VAC14: variants seen among roughly 807,000 people sequenced by gnomAD.
VAC14 encodes the protein protein VAC14 homolog.
In VAC14, 47 loss-of-function variants were observed where a neutral mutation model predicts 85.3. The ratio of observed to expected loss-of-function variants is 0.55; its 90% CI spans 0.44 to 0.70. The LOEUF (loss-of-function observed/expected upper bound fraction) is 0.70, where lower values mean the gene tolerates loss of function less well. VAC14 is among the 30% of genes least tolerant of loss of function. The pLI, the probability that VAC14 is intolerant of heterozygous loss-of-function variation, is 0.00. For synonymous variants in VAC14, 447 were observed against 430.5 expected (o/e 1.04, Z -0.47); for missense variants, 861 against 1,004.3 (o/e 0.86, Z 1.93).
At chr16:70,745,547 A>C (rs2030812056) in intron 12 of VAC14, among the ~76,000 whole-genome samples, 1 of 151,034 alleles carries the variant, frequency 6.6e-6, no homozygotes, top group African/African-American at 2.4e-5. Context: ...GCCTGTGTGC[A>C]TGCACCTGCC....
Position 70,701,786 on chromosome 16 carries a change from T to C in VAC14, c.1662-2975A>G, listed in dbSNP as rs1032542158. On this transcript the variant is annotated intron_variant, in intron 14 of 18. Coordinates refer to ENST00000261776, the MANE Select transcript of VAC14 (RefSeq NM_018052.5). ...GTCTCACACCTCTCGCTGGTTCCTC[T>C]CCAGCCTCCCTCTTGCTGTCCCTCC... 9.2e-5 allele frequency among the ~76,000 whole-genome samples: 14 copies of C among 152,312 alleles called. No homozygotes were observed. The South Asian group carries it at 2.7e-3, about 29-fold the overall frequency.
chr16:70,688,232 C>T (rs959597513), intron 18 of VAC14, 142 bp from the exon 19 acceptor site: 8 of 1,290,186 alleles, frequency 6.2e-6, no homozygotes, highest in African/African-American at 1.7e-5. Context: ...GCAACTCTTC[C>T]GTCATGGCGG....
chr16:70,749,301 C>T (rs565879998), intron 12 of VAC14, among the ~76,000 whole-genome samples: 69 of 152,356 alleles, frequency 4.5e-4, no homozygotes, highest in Non-Finnish European at 4.1e-4. Context: ...CTACTGCCTC[C>T]CACCCCACTG....
At chr16:70,754,241 G>C (rs2031642330) in intron 12 of VAC14, among the ~76,000 whole-genome samples, 1 of 152,190 alleles carries the variant, frequency 6.6e-6, no homozygotes, top group Non-Finnish European at 1.5e-5. Context: ...CCACAAGGTG[G>C]GAACATCTGG....
chr16:70,749,187 C>G (rs1045207411), intron 12 of VAC14, among the ~76,000 whole-genome samples: 3 of 152,184 alleles, frequency 2.0e-5, no homozygotes, highest in African/African-American at 7.2e-5. Context: ...CTGAGCTGTT[C>G]CCTGGCCCAG....
Position 70,786,016 on chromosome 16 carries a change from T to C in VAC14, c.256-147A>G, listed in dbSNP as rs111500754. 8.8e-4 allele frequency: 1,153 copies of C among 1,316,902 alleles called. 6 individuals carry two copies. Among genetic ancestry groups the C allele is most frequent in the Non-Finnish European group, 1.1e-3 (1,100 of 977,450 alleles). The allele number at this position is 1,316,902 out of a possible 1,614,324, so 81.6% of individuals were successfully genotyped here. A position where few individuals can be genotyped will look rare whatever the true frequency, so the allele number is the denominator to read the frequency against. Reference sequence around the variant, plus strand: ...GCTCAAAGACCCTTCCCAAGCCTCATTCCCAGGAGAGGGCCCATGCCTAGG... The same window carrying C: ...GCTCAAAGACCCTTCCCAAGCCTCACTCCCAGGAGAGGGCCCATGCCTAGG... On this transcript the variant is annotated intron_variant, in intron 2 of 18. Transcript: ENST00000261776.
chr16:70,739,889 C>T (rs2030094282), intron 13 of VAC14, among the ~76,000 whole-genome samples: 2 of 152,208 alleles, frequency 1.3e-5, no homozygotes, highest in South Asian at 4.1e-4. Context: ...TCATTATCAC[C>T]CATTTTTAGA....
Position 70,801,040 on chromosome 16 carries a change from G to T in VAC14, c.-140C>A, listed in dbSNP as rs1272652551. The T allele has an allele frequency of 3.8e-6, 2 of 530,314 alleles. No individual in the cohort carries two copies. Among genetic ancestry groups the T allele is most frequent in the Non-Finnish European group, 6.3e-6 (2 of 319,534 alleles). The allele number at this position is 530,314 out of a possible 1,614,324, so 32.9% of individuals were successfully genotyped here. A position where few individuals can be genotyped will look rare whatever the true frequency, so the allele number is the denominator to read the frequency against. ...GCTCTAGGCTTGCCTGCCACGCTCC[G>T]CCGCCTCGCCCTGGAACCCGGGCCC... On this transcript the variant is annotated 5_prime_UTR_variant, in exon 1 of 19. Coordinates refer to ENST00000261776, the MANE Select transcript of VAC14 (RefSeq NM_018052.5).
chr16:70,754,715 C>T lies in VAC14; in HGVS notation c.1371+7825G>A, dbSNP rs541190910. 8.5e-5 allele frequency among the ~76,000 whole-genome samples: 13 copies of T among 152,212 alleles called. No homozygotes were observed. The South Asian group carries it at 2.5e-3, about 29-fold the overall frequency. On this transcript the variant is annotated intron_variant, in intron 12 of 18. Transcript: ENST00000261776. ...AAGAGGAGTCAAGTTCTTTGGGCAC[C>T]GACACGGCACCCCTCCATTCTCTGG...
At chr16:70,721,341 G>C (rs559772688) in intron 14 of VAC14, among the ~76,000 whole-genome samples, 58 of 152,220 alleles carry the variant, frequency 3.8e-4, no homozygotes, top group Middle Eastern at 3.4e-3. Flanking sequence ...ATGGGAGGAA[G>C]GGAAGAGGAG....
At chr16:70,786,517 C>T in intron 1 of VAC14, 152 bp from the exon 2 acceptor site, 1 of 980,244 alleles carries the variant, frequency 1.0e-6, no homozygotes, top group Non-Finnish European at 1.5e-6. Flanking sequence ...CTGTTGCTGG[C>T]TGAGTCATCG....
Position 70,689,353 on chromosome 16 carries a change from G to C in VAC14, c.2187-1263C>G, listed in dbSNP as rs988962366. 3.0e-6 allele frequency: 3 copies of C among 985,374 alleles called. No homozygotes were observed. In the African/African-American group the frequency reaches 5.2e-5, roughly 17 times the overall value. 61.0% of individuals were successfully genotyped at this position (985,374 alleles called of 1,614,324 possible). ...GGCCAGCCGGGGCCCAGCAGCTTGAGGGTGGAAATAAAGGAGGCCATTTTG... is the reference window on the plus strand; with the variant it reads ...GGCCAGCCGGGGCCCAGCAGCTTGACGGTGGAAATAAAGGAGGCCATTTTG... On this transcript the variant is annotated intron_variant, in intron 18 of 18. Coordinates refer to ENST00000261776, the MANE Select transcript of VAC14 (RefSeq NM_018052.5).
chr16:70,795,197 T>C (rs979573756), intron 1 of VAC14, among the ~76,000 whole-genome samples: 4 of 152,182 alleles, frequency 2.6e-5, no homozygotes, highest in East Asian at 1.9e-4. Flanking sequence ...CCGGGCGCAG[T>C]GGCTCATGCC....
intron 9 of VAC14, among the ~76,000 whole-genome samples, chr16:70,780,083 C>A (rs1022475476): frequency 8.9e-5 from 13 of 146,554 alleles, no homozygotes; most frequent in African/African-American, 3.0e-4. Flanking sequence ...TGGTCTCAAA[C>A]TCCTGAGTTC....
chr16:70,699,550 G>A (rs2053781556), intron 14 of VAC14: 1 of 152,276 alleles, frequency 6.6e-6, no homozygotes, highest in Middle Eastern at 3.4e-3. Flanking sequence ...TTGTGAAGAG[G>A]AGCCTCCCTG....
At chr16:70,706,727 A>T (rs917887866) in intron 14 of VAC14, among the ~76,000 whole-genome samples, 2 of 152,080 alleles carry the variant, frequency 1.3e-5, no homozygotes, top group African/African-American at 4.8e-5. Flanking sequence ...CCTGACCTCA[A>T]GTGATCCACC....
chr16:70,698,851 C>T, intron 14 of VAC14, 40 bp from the exon 15 acceptor site: 1 of 1,606,300 alleles, frequency 6.2e-7, no homozygotes, highest in Non-Finnish European at 8.5e-7. Context: ...GCAGGCCGAC[C>T]TGGAAGGCTC....
chr16:70,756,074 T>C (rs2031823748), intron 12 of VAC14: 1 of 456,640 alleles, frequency 2.2e-6, no homozygotes, highest in African/African-American at 2.0e-5. Flanking sequence ...CAAGGACTGC[T>C]TGGGAAGGAT....
At chr16:70,751,603 G>A (rs955101423) in intron 12 of VAC14, among the ~76,000 whole-genome samples, 1 of 152,238 alleles carries the variant, frequency 6.6e-6, no homozygotes, top group Non-Finnish European at 1.5e-5. Flanking sequence ...GGCTGGCCAA[G>A]CCTCTTCAGT....
Sources: allele counts gnomAD v4.1 joint callset (sites outside exome capture counted in the v4.1 genomes callset), GRCh38; gene constraint gnomAD v4.1.1; transcripts MANE v1.5; gene names NCBI Gene and HGNC (gene_info 2026-07-23, HGNC 2026-07-21).